Variants in NRG3 observed in about 807,000 individuals in gnomAD.
NRG3 encodes the protein pro-neuregulin-3, membrane-bound isoform.
In NRG3, 31 loss-of-function variants were observed where a neutral mutation model predicts 66.9. That is an observed-to-expected ratio of 0.46 (90% CI 0.35 to 0.63). The LOEUF (loss-of-function observed/expected upper bound fraction) is 0.63, where lower values mean the gene tolerates loss of function less well. NRG3 is among the 20% of genes least tolerant of loss of function. The probability of loss-of-function intolerance (pLI) is 0.00; values close to 1 mark genes in which losing one functional copy is unlikely to be tolerated. For synonymous variants in NRG3, 393 were observed against 359.4 expected, an observed-to-expected ratio of 1.09 and a Z score of -1.06; for missense variants, 910 against 878.9, an observed-to-expected ratio of 1.04 and a Z score of -0.45.
intron 2 of NRG3, among the ~76,000 whole-genome samples, chr10:82,392,149 A>G (rs1178407420): frequency 2.6e-5 from 4 of 152,162 alleles, no homozygotes; most frequent in African/African-American, 4.8e-5. Flanking sequence ...GTCTTCACCA[A>G]TGTGAACTGA....
intron 1 of NRG3, among the ~76,000 whole-genome samples, chr10:81,993,092 G>T (rs929296125): frequency 6.6e-6 from 1 of 152,100 alleles, no homozygotes; most frequent in African/African-American, 2.4e-5. Context: ...ATTTAGAAGA[G>T]GTAACCTAGA....
At chr10:82,955,427 G>A (rs150678220) in intron 5 of NRG3, among the ~76,000 whole-genome samples, 6 of 151,976 alleles carry the variant, frequency 3.9e-5, no homozygotes, top group East Asian at 3.9e-4. Flanking sequence ...TGTGGCTCAC[G>A]CAATGACTGT....
chr10:82,293,855 A>G (rs2079885404), intron 1 of NRG3, among the ~76,000 whole-genome samples: 1 of 152,150 alleles, frequency 6.6e-6, no homozygotes, highest in South Asian at 2.1e-4. Context: ...AATTAAAACA[A>G]AAAAAGACTT....
intron 1 of NRG3, among the ~76,000 whole-genome samples, chr10:82,097,231 A>G (rs1375593461): frequency 6.6e-6 from 1 of 151,920 alleles, no homozygotes; most frequent in African/African-American, 2.4e-5. Context: ...AGCATAATGT[A>G]TTTGAGAATC....
intron 2 of NRG3, among the ~76,000 whole-genome samples, chr10:82,732,108 C>G (rs1262189434): frequency 6.6e-6 from 1 of 151,968 alleles, no homozygotes; most frequent in Non-Finnish European, 1.5e-5. Context: ...ATTAAAACAT[C>G]ATGTTGTACA....
intron 1 of NRG3, among the ~76,000 whole-genome samples, chr10:82,148,521 A>G (rs1354290350): frequency 6.6e-6 from 1 of 150,980 alleles, no homozygotes; most frequent in Non-Finnish European, 1.5e-5. Flanking sequence ...TTTTTTTCCT[A>G]CCTATTTGTC....
chr10:82,263,979 T>A (rs2134233420), intron 1 of NRG3, among the ~76,000 whole-genome samples: 1 of 152,320 alleles, frequency 6.6e-6, no homozygotes, highest in South Asian at 2.1e-4. Flanking sequence ...GGGCTTTGTT[T>A]ATTTTTTTGT....
At chr10:82,221,296 TAA>T (rs1290950245) in intron 1 of NRG3, among the ~76,000 whole-genome samples, 2 of 151,354 alleles carry the variant, frequency 1.3e-5, no homozygotes, top group African/African-American at 4.9e-5. Flanking sequence ...CCACAAAATG[TAA>T]AAGTCAAAAG....
chr10:82,498,744 G>C lies in NRG3; in HGVS notation c.953+139876G>C, dbSNP rs140203583. ...TGTCGATGAAGAGGAGTGGTTTAGA[G>C]AATTGCCTGTTGCCTGTCACTCAAT... On this transcript the variant is annotated intron_variant, in intron 2 of 8. Coordinates refer to ENST00000372141, the MANE Select transcript of NRG3 (RefSeq NM_001010848.4). Among the ~76,000 whole-genome samples, 573 of 152,212 alleles carry C rather than the reference G, an allele frequency of 3.8e-3. 1 individual carries two copies. Among genetic ancestry groups the C allele is most frequent in the African/African-American group, 0.013 (542 of 41,532 alleles).
At chr10:82,936,514 G>T (rs914153872) in intron 4 of NRG3, among the ~76,000 whole-genome samples, 2 of 152,082 alleles carry the variant, frequency 1.3e-5, no homozygotes, top group Non-Finnish European at 2.9e-5. Context: ...TTGGATAGAA[G>T]GAATAAGTTC....
chr10:82,361,794 A>T (rs1158411187), intron 2 of NRG3, among the ~76,000 whole-genome samples: 1 of 152,128 alleles, frequency 6.6e-6, no homozygotes, highest in Non-Finnish European at 1.5e-5. Flanking sequence ...GTTAAATAAG[A>T]TGCCATTTAA....
At chr10:82,432,032 A>T (rs767382349) in intron 2 of NRG3, among the ~76,000 whole-genome samples, 13 of 152,212 alleles carry the variant, frequency 8.5e-5, no homozygotes, top group Non-Finnish European at 1.6e-4. Context: ...TTTTAAACAC[A>T]AAAAACAAAA....
chr10:82,042,733 G>A (rs909924791), intron 1 of NRG3, among the ~76,000 whole-genome samples: 1 of 151,986 alleles, frequency 6.6e-6, no homozygotes, highest in Admixed American at 6.6e-5. Flanking sequence ...AAAGTGTTCA[G>A]AATTTTTCAA....
chr10:82,423,856 T>C (rs930555538), intron 2 of NRG3, among the ~76,000 whole-genome samples: 2 of 152,064 alleles, frequency 1.3e-5, no homozygotes, highest in African/African-American at 2.4e-5. Context: ...CGTATGTATT[T>C]GTCTAGTATG....
At chr10:82,633,267 T>C (rs1005816850) in intron 2 of NRG3, among the ~76,000 whole-genome samples, 3 of 152,206 alleles carry the variant, frequency 2.0e-5, no homozygotes, top group Non-Finnish European at 2.9e-5. Context: ...GTACCTGGCA[T>C]AGGAAAATAG....
At chr10:82,365,583 A>G (rs184946629) in intron 2 of NRG3, among the ~76,000 whole-genome samples, 3 of 152,332 alleles carry the variant, frequency 2.0e-5, no homozygotes, top group Admixed American at 6.5e-5. Flanking sequence ...CAACAACACA[A>G]TGAATGTTAT....
At chr10:82,014,484 A>G (rs1194953723) in intron 1 of NRG3, among the ~76,000 whole-genome samples, 1 of 152,202 alleles carries the variant, frequency 6.6e-6, no homozygotes, top group Non-Finnish European at 1.5e-5. Flanking sequence ...CACAGAGTGT[A>G]TAGAGTTCTC....
At position 82,295,915 on chromosome 10, in the gene NRG3, A is replaced by C. The variant is rs542294744; in HGVS notation, c.824-62824A>C. Among the ~76,000 whole-genome samples the C allele has an allele frequency of 4.3e-4, 65 of 152,212 alleles. No homozygotes were observed. In the South Asian group the frequency reaches 0.012, roughly 29 times the overall value. Reference sequence around the variant, plus strand: ...CCAAAAGTAAAAAAGGACAAAAAAAACCCCTATTTTAGGGAGCTTTAAAAA... The same window carrying C: ...CCAAAAGTAAAAAAGGACAAAAAAACCCCCTATTTTAGGGAGCTTTAAAAA... On this transcript the variant is annotated intron_variant, in intron 1 of 8. Transcript: ENST00000372141.
intron 1 of NRG3, among the ~76,000 whole-genome samples, chr10:81,899,724 C>G (rs955954968): frequency 3.3e-5 from 5 of 152,166 alleles, no homozygotes; most frequent in African/African-American, 9.7e-5. Flanking sequence ...CCCCTGTTGA[C>G]TCCGTGGAGC....
Sources: allele counts gnomAD v4.1 joint callset (sites outside exome capture counted in the v4.1 genomes callset), GRCh38; gene constraint gnomAD v4.1.1; transcripts MANE v1.5; gene names NCBI Gene and HGNC (gene_info 2026-07-23, HGNC 2026-07-21).